SLC35G1: variants seen among roughly 807,000 people sequenced by gnomAD.
The protein encoded by SLC35G1 is partner of STIM1.
A neutral mutation model predicts 17.1 loss-of-function variants in SLC35G1; 10 were observed. The ratio of observed to expected loss-of-function variants is 0.59; its 90% CI spans 0.36 to 0.99. The LOEUF is 0.99. SLC35G1 is among the 50% of genes least tolerant of loss of function. SLC35G1 has a pLI of 0.01. For missense variants in SLC35G1, 433 were observed against 468.4 expected (o/e 0.92, Z 0.70); for synonymous variants, 185 against 181.1 (o/e 1.02, Z -0.18).
rs771635205 is a variant in SLC35G1 at position 93,901,204 on chromosome 10, CTG to C, written c.814_815del (p.Val272IlefsTer62). 1 of 1,614,104 alleles carries C rather than the reference CTG, an allele frequency of 6.2e-7. No homozygotes were observed. Among genetic ancestry groups the C allele is most frequent in the Non-Finnish European group, 8.5e-7 (1 of 1,179,972 alleles). On this transcript the variant is annotated frameshift_variant, in exon 3 of 3. Transcript: ENST00000427197. LOFTEE classifies it high-confidence loss of function. ...CTCGTTGAAAGTGTCATCATCCTCT[CTG>C]TATTAGGAGAGTGGAGTCTGCCTTA...
chr10:93,902,362 A>G lies in SLC35G1; in HGVS notation c.*872A>G, dbSNP rs952686768. 6.6e-6 allele frequency: 1 copy of G among 152,596 alleles called. No homozygotes were observed. The highest frequency in any genetic ancestry group is 2.4e-5 in the African/African-American group (1 of 41,442). 9.5% of individuals were successfully genotyped at this position (152,596 alleles called of 1,614,324 possible). A position where few individuals can be genotyped will look rare whatever the true frequency, so the allele number is the denominator to read the frequency against. ...TTCCATCCTGAAGTGTTTTCTCTTC[A>G]CTAGAAATGTGATTTTCTATAAATT... On this transcript the variant is annotated 3_prime_UTR_variant, in exon 3 of 3. Transcript: ENST00000427197.
At chr10:93,904,379 A>T (rs1589804469), downstream of SLC35G1, among the ~76,000 whole-genome samples, 1 of 152,280 alleles carries the variant, frequency 6.6e-6, no homozygotes, top group Non-Finnish European at 1.5e-5. Flanking sequence ...ATGCCTTATT[A>T]CACACCATAT....
At chr10:93,895,022 A>G (rs900346262) in intron 1 of SLC35G1, among the ~76,000 whole-genome samples, 19 of 152,344 alleles carry the variant, frequency 1.2e-4, no homozygotes, top group Admixed American at 6.5e-4. Flanking sequence ...CACTGGCCAC[A>G]AGTGCTGCTT....
chr10:93,900,799 G>A lies in SLC35G1; in HGVS notation c.407G>A (p.Arg136Lys). 6.2e-7 allele frequency: 1 copy of A among 1,613,250 alleles called. No individual in the cohort carries two copies. Among genetic ancestry groups the A allele is most frequent in the Non-Finnish European group, 8.5e-7 (1 of 1,179,436 alleles). ...GGTCAACGAATTTTCCTCATTCTCA[G>A]AGGAGTCCTTGGTTCTACCGCCATG... The part of the protein sequence containing the change: ...PKGQRIFLIL[R>K]GVLGSTAMML... Residue 136 changes from arginine (R) to lysine (K), a missense_variant, in exon 3 of 3, where the codon AGA becomes AAA. Transcript: ENST00000427197.
At position 93,903,586 on chromosome 10, in the gene SLC35G1, A is replaced by G. The variant is rs1009194601; in HGVS notation, c.*2096A>G. On this transcript the variant is annotated 3_prime_UTR_variant, in exon 3 of 3. Coordinates refer to ENST00000427197, the MANE Select transcript of SLC35G1 (RefSeq NM_001134658.3). Reference sequence around the variant, plus strand: ...ATACACTAGAGACATGTTTTGTTTGAACAATGTAGTTTAAGTACTTGAATG... The same window carrying G: ...ATACACTAGAGACATGTTTTGTTTGGACAATGTAGTTTAAGTACTTGAATG... 1.3e-5 allele frequency: 2 copies of G among 152,210 alleles called. No individual in the cohort carries two copies. Among genetic ancestry groups the G allele is most frequent in the South Asian group, 2.1e-4 (1 of 4,830 alleles). 9.4% of individuals were successfully genotyped at this position (152,210 alleles called of 1,614,324 possible). A position where few individuals can be genotyped will look rare whatever the true frequency, so the allele number is the denominator to read the frequency against.
Position 93,901,456 on chromosome 10 carries a change from C to A in SLC35G1, c.1064C>A (p.Ala355Glu). 6.3e-7 allele frequency: 1 copy of A among 1,598,442 alleles called. No homozygotes were observed. Among genetic ancestry groups the A allele is most frequent in the Non-Finnish European group, 8.5e-7 (1 of 1,173,952 alleles). ...ALCVVASNVG[A>E]AIRKWYQSSK Reference sequence around the variant, plus strand: ...TGCGTAGTAGCCAGTAATGTTGGAGCGGCCATTCGTAAATGGTACCAAAGT... The same window carrying A: ...TGCGTAGTAGCCAGTAATGTTGGAGAGGCCATTCGTAAATGGTACCAAAGT... Residue 355 changes from alanine (A) to glutamate (E), a missense_variant, in exon 3 of 3, where the codon GCG becomes GAG. By Grantham distance (107) the Ala-to-Glu change is moderately radical. Coordinates refer to ENST00000427197, the MANE Select transcript of SLC35G1 (RefSeq NM_001134658.3).
chr10:93,906,787 C>T (rs1589805418), downstream of SLC35G1, among the ~76,000 whole-genome samples: 2 of 152,066 alleles, frequency 1.3e-5, no homozygotes, highest in East Asian at 3.9e-4. Flanking sequence ...GGTTTGGATA[C>T]CTCAGAGTCC....
At chr10:93,898,841 A>G in intron 2 of SLC35G1, 90 bp downstream of exon 2, 2 of 1,286,280 alleles carry the variant, frequency 1.6e-6, no homozygotes, top group Non-Finnish European at 2.1e-6. Context: ...TGCTTTATCC[A>G]TCTCATATAC....
chr10:93,907,701 C>T (rs1472079914), downstream of SLC35G1: 1 of 152,082 alleles, frequency 6.6e-6, no homozygotes, highest in Non-Finnish European at 1.5e-5. Context: ...CATTGGTTGC[C>T]TTTGGCAGCT....
chr10:93,903,875 C>A (rs1175281628), downstream of SLC35G1: 3 of 152,116 alleles, frequency 2.0e-5, no homozygotes, highest in African/African-American at 7.2e-5. Flanking sequence ...TCCCTTTCAA[C>A]CCTATGCTTC....
At chr10:93,899,228 C>T (rs571491945) in intron 2 of SLC35G1, among the ~76,000 whole-genome samples, 72 of 152,170 alleles carry the variant, frequency 4.7e-4, no homozygotes, top group African/African-American at 1.7e-3. Flanking sequence ...AGGTTACTTT[C>T]GTATTTAGTT....
At chr10:93,908,670 G>A (rs953894335), downstream of SLC35G1, 1 of 152,154 alleles carries the variant, frequency 6.6e-6, no homozygotes, top group African/African-American at 2.4e-5. Flanking sequence ...AACAATCCTA[G>A]CCAATGCAAG....
chr10:93,909,113 C>G (rs1166577495), exon 3 of SLC35G1: 1 of 152,198 alleles, frequency 6.6e-6, no homozygotes, highest in East Asian at 1.9e-4. Flanking sequence ...ACACTAACCA[C>G]CATACTTTAC....
At chr10:93,899,749 G>C (rs571628598) in intron 2 of SLC35G1, among the ~76,000 whole-genome samples, 1 of 152,292 alleles carries the variant, frequency 6.6e-6, no homozygotes, top group African/African-American at 2.4e-5. Context: ...TTTAAGAAAT[G>C]ATGGTAGGGC....
intron 1 of SLC35G1, among the ~76,000 whole-genome samples, chr10:93,894,560 A>G (rs1045807179): frequency 1.3e-5 from 2 of 152,006 alleles, no homozygotes; most frequent in African/African-American, 4.8e-5. Context: ...GCCATCCTGC[A>G]GTGGGGCGAC....
chr10:93,901,681 GTAGCTT>G lies in SLC35G1; in HGVS notation c.*193_*198del, dbSNP rs544933977. On this transcript the variant is annotated 3_prime_UTR_variant, in exon 3 of 3. Coordinates refer to ENST00000427197, the MANE Select transcript of SLC35G1 (RefSeq NM_001134658.3). ...GTCTGTTTGGTGTAACAATTTTTTG[GTAGCTT>G]TGGTTTTGGTTTTGGTTTTTTTTGT... 674 of 607,324 alleles carry G rather than the reference GTAGCTT, an allele frequency of 1.1e-3. 1 individual carries two copies. Among genetic ancestry groups the G allele is most frequent in the African/African-American group, 0.011 (556 of 51,680 alleles). The allele number at this position is 607,324 out of a possible 1,614,324, so 37.6% of individuals were successfully genotyped here. A position where few individuals can be genotyped will look rare whatever the true frequency, so the allele number is the denominator to read the frequency against.
At chr10:93,898,239 A>G (rs1178509483) in intron 1 of SLC35G1, among the ~76,000 whole-genome samples, 1 of 152,216 alleles carries the variant, frequency 6.6e-6, no homozygotes, top group Non-Finnish European at 1.5e-5. Context: ...TTTACTTGCC[A>G]TCTTGACAAG....
rs748629337 is a variant in SLC35G1, at chr10:93,901,331, A to G, written c.939A>G (p.Pro313=). Residue 313 remains proline (P), a synonymous_variant, in exon 3 of 3, where the codon CCA becomes CCG. Coordinates refer to ENST00000427197, the MANE Select transcript of SLC35G1 (RefSeq NM_001134658.3). Reference sequence around the variant, plus strand: ...CACTTCAAATAGAAAAAGCAGGGCCAGTAGCAATAATGAAGACAATGGATG... The same window carrying G: ...CACTTCAAATAGAAAAAGCAGGGCCGGTAGCAATAATGAAGACAATGGATG... ...TKALQIEKAG[P]VAIMKTMDVV... is the part of the protein sequence containing the mutation. 22 of 1,613,966 alleles carry G rather than the reference A, an allele frequency of 1.4e-5. No individual in the cohort carries two copies. The highest frequency in any genetic ancestry group is 1.9e-5 in the Non-Finnish European group (22 of 1,179,972).
rs2060377480 is a variant in SLC35G1 at position 93,900,942 on chromosome 10, C to T, written c.550C>T (p.Pro184Ser). ...AWICLKEKYS[P>S]WDALFTVFTI... is the part of the protein sequence containing the mutation. ...GATATGTCTCAAGGAAAAATATAGC[C>T]CTTGGGATGCTCTTTTCACCGTGTT... The change falls in exon 3 of 3, where the codon CCT becomes TCT. Residue 184 changes from proline (P) to serine (S), a missense_variant. By Grantham distance (74) the Pro-to-Ser change is moderately conservative (BLOSUM62 -1). Transcript: ENST00000427197. 6.2e-7 allele frequency: 1 copy of T among 1,613,958 alleles called. No individual in the cohort carries two copies. The highest frequency in any genetic ancestry group is 1.1e-5 in the South Asian group (1 of 91,062).
Sources: allele counts gnomAD v4.1 joint callset (sites outside exome capture counted in the v4.1 genomes callset), GRCh38; gene constraint gnomAD v4.1.1; transcripts MANE v1.5; gene names NCBI Gene and HGNC (gene_info 2026-07-23, HGNC 2026-07-21).